The following PRIM2 variants were observed in gnomAD, a reference collection of about 807,000 sequenced individuals.
PRIM2 encodes the protein DNA primase large subunit.
A neutral mutation model predicts 67.3 loss-of-function variants in PRIM2; 39 were observed. That is an observed-to-expected ratio of 0.58 (90% CI 0.45 to 0.76). PRIM2 has a LOEUF of 0.76. Ranked by LOEUF, PRIM2 falls within the 30% of genes least tolerant of loss-of-function variation. The probability of loss-of-function intolerance (pLI) is 0.00; values close to 1 mark genes in which losing one functional copy is unlikely to be tolerated. For missense variants in PRIM2, 398 were observed against 598.7 expected, an observed-to-expected ratio of 0.66 and a Z score of 3.50; for synonymous variants, 143 against 198.7, an observed-to-expected ratio of 0.72 and a Z score of 2.36.
chr6:57,375,207 C>CAT (rs1217326310), intron 5 of PRIM2, among the ~76,000 whole-genome samples: 2 of 152,188 alleles, frequency 1.3e-5, no homozygotes, highest in East Asian at 3.8e-4. Context: ...GTGGGTTTGT[C>CAT]ATATATGGCT....
At chr6:57,477,023 C>T (rs1461576963) in intron 7 of PRIM2, among the ~76,000 whole-genome samples, 1 of 152,202 alleles carries the variant, frequency 6.6e-6, no homozygotes, top group Non-Finnish European at 1.5e-5. Flanking sequence ...TTGGGCCTCA[C>T]TCTGTCACCA....
chr6:57,499,383 C>T (rs1774079102), intron 7 of PRIM2, among the ~76,000 whole-genome samples: 1 of 152,162 alleles, frequency 6.6e-6, no homozygotes, highest in Admixed American at 6.6e-5. Flanking sequence ...TCATTCTCAC[C>T]TTCTCCTGGC....
At chr6:57,623,035 T>A (rs1319411443) in intron 12 of PRIM2, among the ~76,000 whole-genome samples, 2 of 152,224 alleles carry the variant, frequency 1.3e-5, no homozygotes, top group African/African-American at 2.4e-5. Context: ...TGTCTATTAC[T>A]TTGTGGAAAG....
chr6:57,403,249 ATTTTTTTT>A (rs71299587), intron 7 of PRIM2, among the ~76,000 whole-genome samples: 307 of 110,208 alleles, frequency 2.8e-3, no homozygotes, highest in African/African-American at 0.01. Flanking sequence ...CAGGTGAAGA[ATTTTTTTT>A]TTTTTTTTTT....
chr6:57,568,139 A>G (rs1185476702), intron 10 of PRIM2, among the ~76,000 whole-genome samples: 8 of 152,216 alleles, frequency 5.3e-5, no homozygotes, highest in African/African-American at 7.2e-5. Flanking sequence ...TATATAGTCC[A>G]TATTATTTAA....
At chr6:57,555,268 T>C (rs1443623480) in intron 10 of PRIM2, among the ~76,000 whole-genome samples, 1 of 152,122 alleles carries the variant, frequency 6.6e-6, no homozygotes, top group African/African-American at 2.4e-5. Flanking sequence ...TCTGGCACTT[T>C]GTGTAAATAT....
At chr6:57,627,996 C>CT (rs1427198255) in intron 12 of PRIM2, among the ~76,000 whole-genome samples, 1 of 152,150 alleles carries the variant, frequency 6.6e-6, no homozygotes, top group Non-Finnish European at 1.5e-5. Context: ...GAAAACTGTT[C>CT]TTTGGTATTA....
intron 8 of PRIM2, among the ~76,000 whole-genome samples, chr6:57,523,696 AG>A (rs1554349109): frequency 0.18 from 28,023 of 151,632 alleles, 2,708 homozygotes; most frequent in South Asian, 0.21. Context: ...GCTAACAGTC[AG>A]TGCCACAGCA....
At chr6:57,610,423 TGAC>T (rs1776647059) in intron 12 of PRIM2, among the ~76,000 whole-genome samples, 1 of 152,232 alleles carries the variant, frequency 6.6e-6, no homozygotes, top group African/African-American at 2.4e-5. Flanking sequence ...GAGATCATTG[TGAC>T]TCAGCTGGTG....
the PRIM2 span, among the ~76,000 whole-genome samples, chr6:57,268,056 G>A: frequency 6.6e-6 from 1 of 152,094 alleles, no homozygotes. Context: ...GTTGTTTCTG[G>A]CTTTGCAGTT....
chr6:57,376,506 G>A (rs558938832), intron 5 of PRIM2, among the ~76,000 whole-genome samples: 2 of 151,530 alleles, frequency 1.3e-5, no homozygotes, highest in South Asian at 4.2e-4. Flanking sequence ...TCTTTTTTTT[G>A]TTATTTCTGT....
the PRIM2 span, among the ~76,000 whole-genome samples, chr6:57,304,993 TCA>T: frequency 4.6e-3 from 706 of 152,338 alleles, 4 homozygotes; most frequent in Non-Finnish European, 8.0e-3. Flanking sequence ...CTCTCTGTAC[TCA>T]AGATAGCTCT....
intron 3 of PRIM2, among the ~76,000 whole-genome samples, chr6:57,323,967 C>A (rs1041819169): frequency 4.0e-5 from 6 of 151,816 alleles, no homozygotes; most frequent in Non-Finnish European, 8.8e-5. Flanking sequence ...CGCTTGTAGT[C>A]CCAGCTGCTT....
intron 5 of PRIM2, among the ~76,000 whole-genome samples, chr6:57,343,790 G>GT (rs1348484452): frequency 5.9e-5 from 9 of 152,186 alleles, no homozygotes; most frequent in African/African-American, 9.6e-5. Context: ...GTTAAGGATA[G>GT]TAAGGAAGAC....
At chr6:57,572,638 C>A (rs1462984132) in intron 10 of PRIM2, among the ~76,000 whole-genome samples, 1 of 152,128 alleles carries the variant, frequency 6.6e-6, no homozygotes, top group Admixed American at 6.5e-5. Flanking sequence ...CACTGTCAAG[C>A]ACAGTGGGCA....
At chr6:57,427,667 AT>A (rs1188622209) in intron 7 of PRIM2, among the ~76,000 whole-genome samples, 1 of 152,184 alleles carries the variant, frequency 6.6e-6, no homozygotes, top group African/African-American at 2.4e-5. Flanking sequence ...TATCAATGTC[AT>A]TTGTATTATA....
intron 5 of PRIM2, among the ~76,000 whole-genome samples, chr6:57,359,959 T>G (rs547978353): frequency 3.3e-5 from 5 of 152,320 alleles, no homozygotes; most frequent in African/African-American, 1.2e-4. Context: ...ATCCTTTAAA[T>G]TCTTCCAAAG....
intron 7 of PRIM2, among the ~76,000 whole-genome samples, chr6:57,495,831 TCTC>T (rs1435817155): frequency 6.6e-6 from 1 of 152,070 alleles, no homozygotes; most frequent in African/African-American, 2.4e-5. Flanking sequence ...GCAGCCTTGA[TCTC>T]CTCAGCTTAA....
chr6:57,441,988 A>C (rs1772216252), intron 7 of PRIM2, among the ~76,000 whole-genome samples: 1 of 152,314 alleles, frequency 6.6e-6, no homozygotes, highest in South Asian at 2.1e-4. Flanking sequence ...AAGCAGGAAA[A>C]GAAAAAAAAA....
Sources: allele counts gnomAD v4.1 joint callset (sites outside exome capture counted in the v4.1 genomes callset), GRCh38; gene constraint gnomAD v4.1.1; transcripts MANE v1.5; gene names NCBI Gene and HGNC (gene_info 2026-07-23, HGNC 2026-07-21).